Variants in PROK1 observed in about 807,000 individuals in gnomAD.
The protein encoded by PROK1 is prokineticin-1.
A neutral mutation model predicts 8.8 loss-of-function variants in PROK1; 10 were observed. The observed-to-expected ratio is 1.13, with a 90% CI of 0.70 to 1.92. The LOEUF (loss-of-function observed/expected upper bound fraction) is 1.92, where lower values mean the gene tolerates loss of function less well. Ranked by LOEUF, PROK1 falls within the 30% of genes most tolerant of loss-of-function variation. The pLI is 0.00. For synonymous variants in PROK1, 57 were observed against 56.0 expected, an observed-to-expected ratio of 1.02 and a Z score of -0.08; for missense variants, 140 against 139.7, an observed-to-expected ratio of 1.00 and a Z score of -0.01.
intron 1 of PROK1, among the ~76,000 whole-genome samples, chr1:110,451,917 T>C (rs1664093424): frequency 6.6e-6 from 1 of 151,536 alleles, no homozygotes; most frequent in South Asian, 2.1e-4. Flanking sequence ...ATATCCAGTC[T>C]CGAAGCAGAG....
chr1:110,455,083 A>T (rs1664151784), intron 2 of PROK1, among the ~76,000 whole-genome samples: 1 of 152,212 alleles, frequency 6.6e-6, no homozygotes, highest in Admixed American at 6.5e-5. Context: ...CCAGTTAACC[A>T]GTGAAGCTCC....
chr1:110,454,677 C>T (rs1570689025), intron 2 of PROK1, among the ~76,000 whole-genome samples: 1 of 152,192 alleles, frequency 6.6e-6, no homozygotes, highest in African/African-American at 2.4e-5. Flanking sequence ...ACAAGCTGGG[C>T]ATTCCCAGCC....
chr1:110,452,048 GGTA>G (rs2101147561), intron 1 of PROK1, among the ~76,000 whole-genome samples: 1 of 152,334 alleles, frequency 6.6e-6, no homozygotes, highest in South Asian at 2.1e-4. Context: ...GATGTGTTAT[GGTA>G]GCAGGACCAT....
chr1:110,451,755 A>G (rs1664091256), intron 1 of PROK1, among the ~76,000 whole-genome samples: 1 of 152,208 alleles, frequency 6.6e-6, no homozygotes, highest in Admixed American at 6.5e-5. Context: ...GTAAGCTTAT[A>G]AACTTCTATT....
intron 2 of PROK1, among the ~76,000 whole-genome samples, chr1:110,454,572 C>T (rs1397232983): frequency 6.6e-6 from 1 of 152,174 alleles, no homozygotes; most frequent in Non-Finnish European, 1.5e-5. Flanking sequence ...TCCGATGCCA[C>T]CTCTAGTCAT....
At position 110,451,150 on chromosome 1, in the gene PROK1, C is replaced by T. The variant is rs531773932; in HGVS notation, c.-67C>T. ...CCTGGCCTCCCCAGCTTGCCAGGCA[C>T]AAGGCTGAGCGGGAGGAAGCGAGAG... On this transcript the variant is annotated 5_prime_UTR_variant, in exon 1 of 3. Transcript: ENST00000271331. 1 of 1,508,988 alleles carries T rather than the reference C, an allele frequency of 6.6e-7. No homozygotes were observed. The highest frequency in any genetic ancestry group is 1.1e-5 in the South Asian group (1 of 88,852). The allele number at this position is 1,508,988 out of a possible 1,614,324, so 93.5% of individuals were successfully genotyped here.
At position 110,451,271 on chromosome 1, in the gene PROK1, T is replaced by G. The variant is rs752181916; in HGVS notation, c.55T>G (p.Cys19Gly). The G allele has an allele frequency of 4.2e-5, 67 of 1,614,076 alleles. No individual in the cohort carries two copies. The highest frequency in any genetic ancestry group is 5.3e-5 in the Non-Finnish European group (63 of 1,180,024). ...GCTCCTCCTAGTAACTGTGTCTGAC[T>G]GTGCTGTGATCACAGGGGTAAGTCG... is the stretch of plus-strand genomic sequence containing the variant. ...IMLLLVTVSD[C>G]AVITGACERD... The change falls in exon 1 of 3, where the codon TGT (cysteine) becomes GGT (glycine). Residue 19 changes from cysteine to glycine, a missense_variant. Transcript: ENST00000271331.
intron 2 of PROK1, among the ~76,000 whole-genome samples, chr1:110,456,001 G>A (rs1353410023): frequency 3.3e-5 from 5 of 152,238 alleles, no homozygotes; most frequent in Non-Finnish European, 5.9e-5. Context: ...TAGCCTGGGT[G>A]CAAATCCTAG....
chr1:110,454,119 G>A (rs1319304980), intron 2 of PROK1, 33 bp downstream of exon 2: 3 of 1,609,466 alleles, frequency 1.9e-6, no homozygotes, highest in Non-Finnish European at 2.5e-6. Context: ...GTGCACATAT[G>A]TGGGTGGGCC....
intron 1 of PROK1, among the ~76,000 whole-genome samples, chr1:110,452,424 G>GA (rs1339546952): frequency 6.6e-6 from 1 of 152,226 alleles, no homozygotes; most frequent in Non-Finnish European, 1.5e-5. Flanking sequence ...GGGGTAGCTT[G>GA]AAAATCTGGG....
At chr1:110,453,903 C>T (rs1664128652) in intron 1 of PROK1, 58 bp from the exon 2 acceptor site, 2 of 1,611,564 alleles carry the variant, frequency 1.2e-6, no homozygotes, top group Admixed American at 3.3e-5. Context: ...TCTACCCTTC[C>T]CTTCTGCTTT....
At chr1:110,451,862 A>T (rs1421376642) in intron 1 of PROK1, among the ~76,000 whole-genome samples, 1 of 152,130 alleles carries the variant, frequency 6.6e-6, no homozygotes, top group Admixed American at 6.5e-5. Context: ...TGCCACTAAC[A>T]TTCAGCTGAG....
intron 2 of PROK1, 56 bp downstream of exon 2, chr1:110,454,142 G>A (rs1664135166): frequency 5.7e-6 from 9 of 1,592,776 alleles, no homozygotes; most frequent in Non-Finnish European, 6.0e-6. Context: ...GCGGGGAGCA[G>A]AGGGTGATGT....
intron 2 of PROK1, 81 bp from the exon 3 acceptor site, chr1:110,456,151 A>T: frequency 6.6e-7 from 1 of 1,517,456 alleles, no homozygotes; most frequent in South Asian, 1.1e-5. Flanking sequence ...GACTTTTGCC[A>T]GTGCTGGGCT....
intron 2 of PROK1, 75 bp downstream of exon 2, chr1:110,454,161 C>T: frequency 6.4e-7 from 1 of 1,550,640 alleles, no homozygotes; most frequent in South Asian, 1.2e-5. Flanking sequence ...GTCCTGGGGC[C>T]TTGCTCTAGC....
In PROK1 at chr1:110,455,940, C is replaced by CGTGT. The variant is rs143245805; in HGVS notation, c.199-278_199-275dup. Among the ~76,000 whole-genome samples, 1,008 of 151,132 alleles carry CGTGT rather than the reference C, an allele frequency of 6.7e-3. 13 individuals carry two copies. The highest frequency in any genetic ancestry group is 0.023 in the African/African-American group (955 of 41,286). On this transcript the variant is annotated intron_variant, in intron 2 of 2. Coordinates refer to ENST00000271331, the MANE Select transcript of PROK1 (RefSeq NM_032414.3). ...CATTCAATCAATGGACATGTGTGTG[C>CGTGT]GTGTGTGTGTGTGTGTGCAGGCACA...
At chr1:110,455,015 T>A (rs1664149870) in intron 2 of PROK1, among the ~76,000 whole-genome samples, 1 of 152,192 alleles carries the variant, frequency 6.6e-6, no homozygotes, top group Admixed American at 6.5e-5. Flanking sequence ...TCCAGAGTCC[T>A]CTGGAGCCAC....
intron 2 of PROK1, among the ~76,000 whole-genome samples, chr1:110,455,376 A>G (rs1664156304): frequency 6.6e-6 from 1 of 152,284 alleles, no homozygotes; most frequent in African/African-American, 2.4e-5. Flanking sequence ...CTAGGCACGG[A>G]GCGTCCTCCA....
Position 110,456,518 on chromosome 1 carries a change from T to C in PROK1, c.*167T>C. On this transcript the variant is annotated 3_prime_UTR_variant, in exon 3 of 3. Coordinates refer to ENST00000271331, the MANE Select transcript of PROK1 (RefSeq NM_032414.3). The stretch of plus-strand genomic sequence containing the variant: ...TGCACACAGGCAGACATACCTCCCA[T>C]CATGACATGGTCCCCAGGCTGGCCT... 1.2e-6 allele frequency: 1 copy of C among 858,316 alleles called. No homozygotes were observed. The allele number at this position is 858,316 out of a possible 1,614,324, so 53.2% of individuals were successfully genotyped here.
Sources: gnomAD v4.1 joint callset for allele counts (sites outside exome capture counted in the v4.1 genomes callset) on GRCh38, gnomAD v4.1.1 for gene constraint, MANE v1.5 for transcripts, NCBI Gene and HGNC (gene_info 2026-07-23, HGNC 2026-07-21) for gene names.